The following EPB41L3 variants were observed in gnomAD, a reference collection of about 807,000 sequenced individuals.
EPB41L3 encodes erythrocyte membrane protein band 4.1 like 3.
In EPB41L3, 57 loss-of-function variants were observed where a neutral mutation model predicts 127.1. That is an observed-to-expected ratio of 0.45 (90% CI 0.36 to 0.56). The LOEUF is 0.56. Ranked by LOEUF, EPB41L3 falls within the 20% of genes least tolerant of loss-of-function variation. The pLI is 0.00. For missense variants in EPB41L3, 1,273 were observed against 1,372.2 expected (o/e 0.93, Z 1.14); for synonymous variants, 572 against 549.5 (o/e 1.04, Z -0.57).
chr18:5,501,851 G>T (rs2091772260), intron 1 of EPB41L3, among the ~76,000 whole-genome samples: 1 of 152,122 alleles, frequency 6.6e-6, no homozygotes, highest in Non-Finnish European at 1.5e-5. Flanking sequence ...GGTCTCCCTG[G>T]CACACAAATG....
Position 5,543,897 on chromosome 18 carries a change from G to A in EPB41L3, c.-12+16C>T, listed in dbSNP as rs1456971707. On this transcript the variant is annotated intron_variant, in intron 1 of 22. Transcript: ENST00000341928. This position sits in a 1 kb window ranked among gnomAD's most constrained non-coding sequence, Gnocchi z 5.2. Reference sequence around the variant, plus strand: ...ACCCCCTCGCAGTCCCCCACTCCGAGAGGCGGAAAAGTTACCTGGGATCAG... The same window carrying A: ...ACCCCCTCGCAGTCCCCCACTCCGAAAGGCGGAAAAGTTACCTGGGATCAG... 3.7e-5 allele frequency: 36 copies of A among 985,540 alleles called. No individual in the cohort carries two copies. The highest frequency in any genetic ancestry group is 1.2e-4 in the Admixed American group (2 of 16,252). 61.0% of individuals were successfully genotyped at this position (985,540 alleles called of 1,614,324 possible). A position where few individuals can be genotyped will look rare whatever the true frequency, so the allele number is the denominator to read the frequency against.
Position 5,393,389 on chromosome 18 carries a change from A to C in EPB41L3, c.*96T>G. The C allele has an allele frequency of 1.5e-6, 1 of 662,684 alleles. No homozygotes were observed. Among genetic ancestry groups the C allele is most frequent in the Non-Finnish European group, 2.7e-6 (1 of 368,086 alleles). 41.1% of individuals were successfully genotyped at this position (662,684 alleles called of 1,614,324 possible). A position where few individuals can be genotyped will look rare whatever the true frequency, so the allele number is the denominator to read the frequency against. On this transcript the variant is annotated 3_prime_UTR_variant, in exon 23 of 23. Coordinates refer to ENST00000341928, the MANE Select transcript of EPB41L3 (RefSeq NM_012307.5). ...CTGAAATTTTCCACGGACAGATACA[A>C]GTCAGTTGGGTTAGAAGAGGGAACT...
At chr18:5,439,919 CCCTGAAT>C in intron 5 of EPB41L3, among the ~76,000 whole-genome samples, 1 of 152,172 alleles carries the variant, frequency 6.6e-6, no homozygotes, top group African/African-American at 2.4e-5. Flanking sequence ...TCAAAGCAGG[CCCTGAAT>C]CCAATGAATA....
At chr18:5,459,983 T>C (rs1255324521) in intron 3 of EPB41L3, among the ~76,000 whole-genome samples, 1 of 152,168 alleles carries the variant, frequency 6.6e-6, no homozygotes. Flanking sequence ...AGGTTTGGGG[T>C]ACAGTTGATC....
chr18:5,583,266 G>A lies in EPB41L3; in HGVS notation c.-306+29074C>T, dbSNP rs537577331. Among the ~76,000 whole-genome samples the A allele has an allele frequency of 1.3e-4, 20 of 152,232 alleles. No individual in the cohort carries two copies. In the South Asian group the frequency reaches 3.7e-3, roughly 28 times the overall value. On this transcript the variant is annotated intron_variant, in intron 3 of 21. Transcript: ENST00000545076. ...GTTTTCAAAACTTCACAAAGGCCTC[G>A]TGAAATAGGCATTCTGCTACTCACT...
At chr18:5,446,988 T>C (rs1157699710) in intron 3 of EPB41L3, among the ~76,000 whole-genome samples, 2 of 152,198 alleles carry the variant, frequency 1.3e-5, no homozygotes, top group African/African-American at 2.4e-5. Flanking sequence ...TTCACAAAAA[T>C]TGGTTCTTCT....
At chr18:5,528,235 CAT>C (rs2093298093) in intron 1 of EPB41L3, among the ~76,000 whole-genome samples, 1 of 152,116 alleles carries the variant, frequency 6.6e-6, no homozygotes, top group Non-Finnish European at 1.5e-5. Flanking sequence ...GTGGTGCAAT[CAT>C]AGCTCACTGC....
rs1598868594 is a variant in EPB41L3, at chr18:5,543,714, T to C, written c.-12+199A>G. ...GCGCGCAGGCTCGGCCCGGTGGGGGTCCCGGCGAGCGGGAGGGCGGTTGGG... is the reference window on the plus strand; with the variant it reads ...GCGCGCAGGCTCGGCCCGGTGGGGGCCCCGGCGAGCGGGAGGGCGGTTGGG... On this transcript the variant is annotated intron_variant, in intron 1 of 22. Transcript: ENST00000341928. The surrounding 1 kb of genome is among the most constrained non-coding windows in gnomAD (Gnocchi z 5.2). 7.3e-6 allele frequency among the ~76,000 whole-genome samples: 1 copy of C among 136,656 alleles called. No homozygotes were observed. The highest frequency in any genetic ancestry group is 1.6e-5 in the Non-Finnish European group (1 of 63,218). 89.7% of individuals were successfully genotyped at this position (136,656 alleles called of 152,430 possible).
intron 3 of EPB41L3, among the ~76,000 whole-genome samples, chr18:5,593,760 T>C (rs1202413480): frequency 6.6e-6 from 1 of 152,134 alleles, no homozygotes; most frequent in African/African-American, 2.4e-5. Flanking sequence ...AGGGGGCCAT[T>C]TTAGAGGCCC....
At chr18:5,624,689 G>A (rs1342273054) in intron 1 of EPB41L3, among the ~76,000 whole-genome samples, 3 of 152,126 alleles carry the variant, frequency 2.0e-5, no homozygotes, top group Admixed American at 6.5e-5. Context: ...GATGTCTCTA[G>A]ACAGTCATCC....
chr18:5,398,396 C>A, intron 16 of EPB41L3: 1 of 490,636 alleles, frequency 2.0e-6, no homozygotes, highest in Non-Finnish European at 3.6e-6. Flanking sequence ...ATTTTTTCCC[C>A]TTCATTGCAA....
intron 14 of EPB41L3, 82 bp from the exon 15 acceptor site, chr18:5,407,818 T>C (rs1229270334): frequency 1.1e-5 from 15 of 1,361,894 alleles, no homozygotes; most frequent in Non-Finnish European, 1.5e-5. Context: ...CTACATAGAC[T>C]TGCTAAATGT....
At chr18:5,479,714 T>G (rs1241303588) in intron 2 of EPB41L3, 1 of 151,502 alleles carries the variant, frequency 6.6e-6, no homozygotes, top group Non-Finnish European at 1.5e-5. Flanking sequence ...AAAAACTGAA[T>G]AGCCAATTCT....
chr18:5,614,665 T>A (rs1323622125), intron 1 of EPB41L3, among the ~76,000 whole-genome samples: 1 of 139,594 alleles, frequency 7.2e-6, no homozygotes, highest in Admixed American at 7.0e-5. Context: ...TGTACTCCCC[T>A]GATTCTTAGG....
At position 5,627,969 on chromosome 18, in the gene EPB41L3, G is replaced by A. The variant is rs1178856771; in HGVS notation, c.-468+953C>T. Among the ~76,000 whole-genome samples the A allele has an allele frequency of 3.3e-5, 5 of 152,312 alleles. No homozygotes were observed. The South Asian group carries it at 6.2e-4, about 19-fold the overall frequency. Reference sequence around the variant, plus strand: ...AGTCTGAACTGTAATTGATCCAACTGGGAACTGCCTATGGCCAGTAAGGGA... The same window carrying A: ...AGTCTGAACTGTAATTGATCCAACTAGGAACTGCCTATGGCCAGTAAGGGA... On this transcript the variant is annotated intron_variant, in intron 1 of 21. Transcript: ENST00000545076.
intron 3 of EPB41L3, among the ~76,000 whole-genome samples, chr18:5,589,474 C>T (rs1334500675): frequency 1.3e-5 from 2 of 152,030 alleles, no homozygotes; most frequent in Non-Finnish European, 2.9e-5. Flanking sequence ...CTTTTTTGAT[C>T]ATGTGGCTAT....
chr18:5,630,292 G>GGCGGCCCGCACCC, upstream of EPB41L3: 1 of 500,106 alleles, frequency 2.0e-6, no homozygotes, highest in Non-Finnish European at 4.0e-6. Context: ...GCCAAGGGCA[G>GGCGGCCCGCACCC]GCGGCCCGCA....
At chr18:5,430,775 T>C (rs1006536180) in intron 8 of EPB41L3, among the ~76,000 whole-genome samples, 7 of 151,542 alleles carry the variant, frequency 4.6e-5, no homozygotes, top group African/African-American at 1.7e-4. Flanking sequence ...ATTTATTCTA[T>C]CAGGTCTCGA....
At chr18:5,617,495 T>C (rs1315641540) in intron 1 of EPB41L3, among the ~76,000 whole-genome samples, 1 of 152,088 alleles carries the variant, frequency 6.6e-6, no homozygotes, top group African/African-American at 2.4e-5. Context: ...ATTTTTTGTA[T>C]TTTTAGTAGA....
Sources: gnomAD v4.1 joint callset for allele counts (sites outside exome capture counted in the v4.1 genomes callset) on GRCh38, gnomAD v4.1.1 for gene constraint, Gnocchi (gnomAD v3.1) non-coding constraint, MANE v1.5 for transcripts, NCBI Gene and HGNC (gene_info 2026-07-23, HGNC 2026-07-21) for gene names.